Variants in UBE2G1 observed in about 807,000 individuals in gnomAD.
The protein encoded by UBE2G1 is ubiquitin conjugating enzyme E2 G1.
Under a neutral mutation model 22.7 loss-of-function variants are expected in UBE2G1, and 5 were observed. The observed-to-expected ratio is 0.22, with a 90% CI of 0.12 to 0.46. The LOEUF (loss-of-function observed/expected upper bound fraction) is 0.46, where lower values mean the gene tolerates loss of function less well. Among genes scored for constraint, UBE2G1 ranks in the 20% least tolerant of loss-of-function variants. The pLI is 0.99. For synonymous variants in UBE2G1, 74 were observed against 67.5 expected (o/e 1.10, Z -0.47); for missense variants, 88 against 203.9 (o/e 0.43, Z 3.46).
intron 1 of UBE2G1, among the ~76,000 whole-genome samples, chr17:4,341,050 C>CAAAAAAAA (rs71383550): frequency 1.2e-5 from 1 of 85,962 alleles, no homozygotes. Flanking sequence ...AGTGTCTTTA[C>CAAAAAAAA]AAAAAAAAAA....
intron 4 of UBE2G1, among the ~76,000 whole-genome samples, chr17:4,283,579 GT>G (rs1000656038): frequency 6.6e-6 from 1 of 152,234 alleles, no homozygotes; most frequent in Admixed American, 6.5e-5. Flanking sequence ...ACATAAAAGT[GT>G]CTGCAACATA....
In UBE2G1 at chr17:4,270,595, G is replaced by A. The variant is rs1968744762; in HGVS notation, c.*1959C>T. The A allele has an allele frequency of 6.6e-6, 1 of 151,172 alleles. No homozygotes were observed. The highest frequency in any genetic ancestry group is 2.4e-5 in the African/African-American group (1 of 41,122). 9.4% of individuals were successfully genotyped at this position (151,172 alleles called of 1,614,324 possible). On this transcript the variant is annotated 3_prime_UTR_variant, in exon 6 of 6. Transcript: ENST00000396981. Reference sequence around the variant, plus strand: ...AAAAAGGATTGTATTCCAAGTCCCTGGAGGGTGTGCAGTGCTGACATTTTG... The same window carrying A: ...AAAAAGGATTGTATTCCAAGTCCCTAGAGGGTGTGCAGTGCTGACATTTTG...
intron 1 of UBE2G1, among the ~76,000 whole-genome samples, 157 bp downstream of exon 1, chr17:4,366,114 G>A (rs537995502): frequency 2.0e-5 from 3 of 152,140 alleles, no homozygotes; most frequent in Non-Finnish European, 4.4e-5. Flanking sequence ...GGGCGAGAAC[G>A]GCTGGGCCCG....
chr17:4,311,675 G>A (rs1005095150), intron 1 of UBE2G1, among the ~76,000 whole-genome samples: 4 of 152,204 alleles, frequency 2.6e-5, no homozygotes, highest in African/African-American at 9.7e-5. Context: ...GCGATTTAAT[G>A]GTGTGATGAG....
chr17:4,362,693 G>C (rs1969982539), intron 1 of UBE2G1, among the ~76,000 whole-genome samples: 1 of 152,112 alleles, frequency 6.6e-6, no homozygotes, highest in South Asian at 2.1e-4. Flanking sequence ...TTAAGTTTTT[G>C]GAAATTTTAT....
rs1040412510 is a variant in UBE2G1 at position 4,335,978 on chromosome 17, T to C, written c.47-28855A>G. 1.1e-4 allele frequency among the ~76,000 whole-genome samples: 17 copies of C among 152,106 alleles called. No homozygotes were observed. The East Asian group carries it at 3.1e-3, about 28-fold the overall frequency. ...CTGGCCAACATGGTGAAATCCCATC[T>C]CTACTAAAAATACAAAAATTAGCCG... On this transcript the variant is annotated intron_variant, in intron 1 of 5. Transcript: ENST00000396981.
At chr17:4,311,691 C>G (rs141950734) in intron 1 of UBE2G1, among the ~76,000 whole-genome samples, 1 of 152,188 alleles carries the variant, frequency 6.6e-6, no homozygotes. Flanking sequence ...ATGAGAACGT[C>G]TGAAAGCTAG....
chr17:4,326,111 A>G (rs1390536074), intron 1 of UBE2G1, among the ~76,000 whole-genome samples: 2 of 152,184 alleles, frequency 1.3e-5, no homozygotes, highest in Non-Finnish European at 2.9e-5. Flanking sequence ...GAAAAAATAA[A>G]TGATCTGGAT....
chr17:4,291,889 T>G (rs1318794502), intron 3 of UBE2G1, among the ~76,000 whole-genome samples: 1 of 152,232 alleles, frequency 6.6e-6, no homozygotes, highest in Admixed American at 6.5e-5. Flanking sequence ...TTTTGTGAAA[T>G]GTCTGTTCTT....
chr17:4,287,102 ATTTTT>A (rs60149939), intron 4 of UBE2G1, among the ~76,000 whole-genome samples: 5 of 136,340 alleles, frequency 3.7e-5, no homozygotes, highest in Admixed American at 7.3e-5. Context: ...GTCAGCTCTG[ATTTTT>A]TTTTTTTTTT....
chr17:4,355,980 G>A (rs1027676882), intron 1 of UBE2G1, among the ~76,000 whole-genome samples: 13 of 143,704 alleles, frequency 9.0e-5, no homozygotes, highest in African/African-American at 1.3e-4. Context: ...GATTACAGAC[G>A]AGAGCCACTG....
At chr17:4,298,908 G>A (rs1969141659) in intron 2 of UBE2G1, among the ~76,000 whole-genome samples, 2 of 152,206 alleles carry the variant, frequency 1.3e-5, no homozygotes, top group South Asian at 4.1e-4. Flanking sequence ...GGGCTTGAGG[G>A]AATAGAGACT....
chr17:4,297,204 A>G (rs984533496), intron 2 of UBE2G1, among the ~76,000 whole-genome samples: 7 of 152,198 alleles, frequency 4.6e-5, no homozygotes, highest in African/African-American at 1.7e-4. Context: ...TATTCCTCAA[A>G]CACATCAAAC....
intron 2 of UBE2G1, among the ~76,000 whole-genome samples, chr17:4,303,441 T>C (rs1969210433): frequency 6.6e-6 from 1 of 152,190 alleles, no homozygotes; most frequent in African/African-American, 2.4e-5. Flanking sequence ...ATTTGAAACA[T>C]TTCCTAAGCA....
chr17:4,343,998 T>C lies in UBE2G1; in HGVS notation c.46+22273A>G, dbSNP rs572867418. The stretch of plus-strand genomic sequence containing the variant: ...CTCTGGGGATGTTTCTGGAAAAAAA[T>C]AGCAATGACTATTAGCCAAAAGACA... On this transcript the variant is annotated intron_variant, in intron 1 of 5. Transcript: ENST00000396981. Among the ~76,000 whole-genome samples, 11 of 152,118 alleles carry C rather than the reference T, an allele frequency of 7.2e-5. No individual in the cohort carries two copies. The South Asian group carries it at 1.5e-3, about 20-fold the overall frequency.
At chr17:4,363,681 G>C (rs936084032) in intron 1 of UBE2G1, among the ~76,000 whole-genome samples, 2 of 152,104 alleles carry the variant, frequency 1.3e-5, no homozygotes, top group African/African-American at 2.4e-5. Context: ...GGCCGGGCCC[G>C]GTGGCTCACG....
chr17:4,330,840 C>T (rs1969566739), intron 1 of UBE2G1, among the ~76,000 whole-genome samples: 1 of 151,838 alleles, frequency 6.6e-6, no homozygotes, highest in Admixed American at 6.6e-5. Context: ...CAGATCTACC[C>T]ACCTTGGCCT....
chr17:4,284,693 T>TC (rs1429910351), intron 4 of UBE2G1, among the ~76,000 whole-genome samples: 1 of 152,072 alleles, frequency 6.6e-6, no homozygotes, highest in Non-Finnish European at 1.5e-5. Flanking sequence ...AAAAGACACC[T>TC]CTTCCTCCAA....
At chr17:4,349,430 C>A (rs1333927705) in intron 1 of UBE2G1, among the ~76,000 whole-genome samples, 1 of 152,156 alleles carries the variant, frequency 6.6e-6, no homozygotes, top group Non-Finnish European at 1.5e-5. Context: ...GTCATTCACA[C>A]AACACCAGAA....
Sources: allele counts gnomAD v4.1 joint callset (sites outside exome capture counted in the v4.1 genomes callset), GRCh38; gene constraint gnomAD v4.1.1; transcripts MANE v1.5; gene names NCBI Gene and HGNC (gene_info 2026-07-23, HGNC 2026-07-21).